Variants in FAM186B observed in about 807,000 individuals in gnomAD.
FAM186B encodes family with sequence similarity 186 member B, also known as protein FAM186B.
A neutral mutation model predicts 83.4 loss-of-function variants in FAM186B; 68 were observed. The observed-to-expected ratio is 0.81, with a 90% CI of 0.67 to 1.00. The LOEUF (loss-of-function observed/expected upper bound fraction) is 1.00. Among genes scored for constraint, FAM186B ranks in the 50% least tolerant of loss-of-function variants. The probability of loss-of-function intolerance (pLI) is 0.00; values close to 1 mark genes in which losing one functional copy is unlikely to be tolerated. For missense variants in FAM186B, 983 were observed against 1,099.2 expected (o/e 0.89, Z 1.49); for synonymous variants, 389 against 422.0 (o/e 0.92, Z 0.96).
At chr12:49,607,042 A>G (rs1388576446), upstream of FAM186B, among the ~76,000 whole-genome samples, 2 of 152,222 alleles carry the variant, frequency 1.3e-5, no homozygotes, top group Admixed American at 6.5e-5. Flanking sequence ...CAAAAAAGAA[A>G]TCACAGGGAA....
the FAM186B span, among the ~76,000 whole-genome samples, chr12:49,614,365 G>A: frequency 6.6e-6 from 1 of 151,956 alleles, no homozygotes; most frequent in African/African-American, 2.4e-5. Flanking sequence ...AAGAAAATGT[G>A]GTCCATACAC....
intron 5 of FAM186B, 44 bp downstream of exon 5, chr12:49,598,711 C>T (rs776229713): frequency 1.9e-6 from 3 of 1,566,818 alleles, no homozygotes; most frequent in Non-Finnish European, 1.7e-6. Flanking sequence ...GCTGTGCTGA[C>T]CCCAGGAGGC....
At chr12:49,584,011 G>C (rs1163287658), downstream of FAM186B, 3 of 158,816 alleles carry the variant, frequency 1.9e-5, no homozygotes, top group Non-Finnish European at 4.2e-5. Context: ...TCAGAGACAC[G>C]CTCACCTTTG....
the FAM186B span, among the ~76,000 whole-genome samples, chr12:49,616,483 G>A: frequency 6.6e-6 from 1 of 152,166 alleles, no homozygotes; most frequent in Non-Finnish European, 1.5e-5. Flanking sequence ...CCATCAACTG[G>A]TGAATGGATA....
chr12:49,599,395 C>T, intron 4 of FAM186B, 74 bp downstream of exon 4: 1 of 1,467,308 alleles, frequency 6.8e-7, no homozygotes, highest in East Asian at 2.4e-5. Context: ...TGTGTTCCTT[C>T]TCTCCCACTG....
chr12:49,609,222 T>G (rs189910542), upstream of FAM186B, among the ~76,000 whole-genome samples: 133 of 152,148 alleles, frequency 8.7e-4, 1 homozygote, highest in African/African-American at 3.0e-3. Flanking sequence ...CTGGTCTGAG[T>G]GAGTTATTGC....
upstream of FAM186B, among the ~76,000 whole-genome samples, chr12:49,605,954 G>C (rs1360894921): frequency 6.6e-6 from 1 of 151,466 alleles, no homozygotes; most frequent in Non-Finnish European, 1.5e-5. Context: ...AGTAAAGACG[G>C]GGTTTCACTG....
At chr12:49,605,084 T>C in intron 1 of FAM186B, 1 of 944,802 alleles carries the variant, frequency 1.1e-6, no homozygotes, top group Non-Finnish European at 1.4e-6. Context: ...CTGGGTCCTT[T>C]CTCCTGCCCT....
intron 3 of FAM186B, among the ~76,000 whole-genome samples, chr12:49,602,263 A>G (rs1939912654): frequency 6.6e-6 from 1 of 152,240 alleles, no homozygotes; most frequent in African/African-American, 2.4e-5. Flanking sequence ...GGGTCTAAGT[A>G]TACAATAAGT....
Position 49,603,368 on chromosome 12 carries a change from C to T in FAM186B, c.323-1G>A, listed in dbSNP as rs1176522362. 1.2e-6 allele frequency: 2 copies of T among 1,613,976 alleles called. No homozygotes were observed. The highest frequency in any genetic ancestry group is 1.7e-6 in the Non-Finnish European group (2 of 1,180,012). On this transcript the variant is annotated splice_acceptor_variant, in intron 2 of 6. Coordinates refer to ENST00000257894, the MANE Select transcript of FAM186B (RefSeq NM_032130.3). LOFTEE classifies it high-confidence loss of function. ...CCAATCTCATAGGTCAGAGTGTCAC[C>T]TGGAGAAGGGATGGGAGGTGCAGGC...
downstream of FAM186B, chr12:49,583,060 T>C (rs1342665020): frequency 4.4e-6 from 2 of 456,242 alleles, no homozygotes; most frequent in African/African-American, 2.0e-5. Context: ...AAGTCCTCCA[T>C]CACCAGAGCA....
the FAM186B span, among the ~76,000 whole-genome samples, chr12:49,610,797 A>AG: frequency 6.6e-6 from 1 of 151,928 alleles, no homozygotes; most frequent in African/African-American, 2.4e-5. Flanking sequence ...CTCAAAAAAA[A>AG]AAAAAAAAAG....
chr12:49,584,555 A>G (rs1939400115), downstream of FAM186B: 6 of 702,312 alleles, frequency 8.5e-6, no homozygotes, highest in Non-Finnish European at 1.3e-5. Flanking sequence ...CTTTTTTTGA[A>G]CAAGCTAAGC....
chr12:49,604,294 G>A lies in FAM186B; in HGVS notation c.322+19C>T, dbSNP rs999875543. 3.1e-6 allele frequency: 5 copies of A among 1,604,000 alleles called. No individual in the cohort carries two copies. Among genetic ancestry groups the A allele is most frequent in the Middle Eastern group, 3.3e-4 (2 of 5,984 alleles). ...ACTCCCCTCCCAGAGGAGGCACGGTGCCCAGCCTGCAAACTCACCCCAGTC... is the reference window on the plus strand; with the variant it reads ...ACTCCCCTCCCAGAGGAGGCACGGTACCCAGCCTGCAAACTCACCCCAGTC... On this transcript the variant is annotated intron_variant, in intron 2 of 6. Transcript: ENST00000257894.
the FAM186B span, among the ~76,000 whole-genome samples, chr12:49,610,965 GCA>G: frequency 6.6e-6 from 1 of 152,048 alleles, no homozygotes; most frequent in African/African-American, 2.4e-5. Context: ...ACAAGGCCAG[GCA>G]CAGTGGTTCA....
At chr12:49,592,848 G>A (rs1225181329) in intron 5 of FAM186B, among the ~76,000 whole-genome samples, 2 of 152,106 alleles carry the variant, frequency 1.3e-5, no homozygotes, top group Non-Finnish European at 2.9e-5. Flanking sequence ...GTCAGGAGTG[G>A]AGATAAGATG....
chr12:49,603,314 C>A lies in FAM186B; in HGVS notation c.376G>T (p.Ala126Ser). 6.2e-7 allele frequency: 1 copy of A among 1,614,228 alleles called. No homozygotes were observed. Among genetic ancestry groups the A allele is most frequent in the Non-Finnish European group, 8.5e-7 (1 of 1,180,050 alleles). ...GTCACTTCAATCCATTCGTCCAGAG[C>A]TGCTGCTTCCTCTTCACTCTTCCTG... ...GPRKSEEEAA[A>S]LDEWIEVTEK... Residue 126 changes from alanine (A) to serine (S), a missense_variant, in exon 3 of 7, where the codon GCT (alanine) becomes TCT (serine). Ala to Ser is a moderately conservative substitution (Grantham distance 99). Coordinates refer to ENST00000257894, the MANE Select transcript of FAM186B (RefSeq NM_032130.3).
At chr12:49,599,076 T>C in intron 4 of FAM186B, 129 bp from the exon 5 acceptor site, 1 of 911,412 alleles carries the variant, frequency 1.1e-6, no homozygotes, top group South Asian at 1.8e-5. Context: ...TGGTGAGAGC[T>C]GGGGAAAATG....
Position 49,601,020 on chromosome 12 carries a change from G to C in FAM186B, c.620C>G (p.Thr207Arg). Residue 207 changes from threonine to arginine, a missense_variant, in exon 4 of 7, where the codon ACG becomes AGG. By Grantham distance (71) the Thr-to-Arg change is moderately conservative (BLOSUM62 -1). Coordinates refer to ENST00000257894, the MANE Select transcript of FAM186B (RefSeq NM_032130.3). The stretch of plus-strand genomic sequence containing the variant: ...CATGGACGTCACCTCCGAGGCCTTC[G>C]TGTTCATGGTATGCTGGTCCTGGAG... ...QMLQDQHTMN[T>R]KASEVTSMLQ... is the part of the protein sequence containing the mutation. 1.9e-6 allele frequency: 3 copies of C among 1,614,182 alleles called. No individual in the cohort carries two copies. The highest frequency in any genetic ancestry group is 2.5e-6 in the Non-Finnish European group (3 of 1,180,022).
Sources: gnomAD v4.1 joint callset for allele counts (sites outside exome capture counted in the v4.1 genomes callset) on GRCh38, gnomAD v4.1.1 for gene constraint, MANE v1.5 for transcripts, NCBI Gene and HGNC (gene_info 2026-07-23, HGNC 2026-07-21) for gene names.